RUNDC3B: variants seen among roughly 807,000 people sequenced by gnomAD.
RUNDC3B encodes RUN domain containing 3B.
RUNDC3B carries 33 observed loss-of-function variants against 58.4 expected under a neutral mutation model. That is an observed-to-expected ratio of 0.56 (90% confidence interval 0.43 to 0.75). The LOEUF (loss-of-function observed/expected upper bound fraction) is 0.75. Among genes scored for constraint, RUNDC3B ranks in the 30% least tolerant of loss-of-function variants. RUNDC3B has a pLI of 0.00. For missense variants in RUNDC3B, 501 were observed against 535.7 expected (o/e 0.94, Z 0.64); for synonymous variants, 193 against 195.2 (o/e 0.99, Z 0.10).
At chr7:87,695,238 A>G (rs1828397796) in intron 2 of RUNDC3B, among the ~76,000 whole-genome samples, 1 of 152,138 alleles carries the variant, frequency 6.6e-6, no homozygotes, top group African/African-American at 2.4e-5. Flanking sequence ...TCATAATTTT[A>G]CCTTCAAAGC....
At chr7:87,702,298 G>A in intron 3 of RUNDC3B, among the ~76,000 whole-genome samples, 1 of 150,542 alleles carries the variant, frequency 6.6e-6, no homozygotes, top group Non-Finnish European at 1.5e-5. Flanking sequence ...TATTTTTTAG[G>A]GACAGGGTCT....
At chr7:87,679,773 A>G (rs1207007414) in intron 2 of RUNDC3B, among the ~76,000 whole-genome samples, 1 of 150,476 alleles carries the variant, frequency 6.6e-6, no homozygotes, top group Non-Finnish European at 1.5e-5. Context: ...GGAACATTAA[A>G]AAAGATCTTA....
chr7:87,796,066 C>T (rs1835802363), intron 8 of RUNDC3B, among the ~76,000 whole-genome samples: 1 of 152,122 alleles, frequency 6.6e-6, no homozygotes, highest in Admixed American at 6.5e-5. Context: ...AGTGCCCATA[C>T]ACAGATGAAT....
At chr7:87,699,251 G>A (rs1828789303) in intron 2 of RUNDC3B, among the ~76,000 whole-genome samples, 1 of 151,988 alleles carries the variant, frequency 6.6e-6, no homozygotes, top group South Asian at 2.1e-4. Flanking sequence ...TTCAAAATAT[G>A]AAAGCAAATC....
intron 4 of RUNDC3B, among the ~76,000 whole-genome samples, chr7:87,734,335 A>C (rs755306319): frequency 5.9e-5 from 9 of 152,174 alleles, no homozygotes; most frequent in Admixed American, 1.3e-4. Flanking sequence ...TTCAGGCATA[A>C]AAAGAAATGT....
chr7:87,743,697 T>G (rs780725673), intron 6 of RUNDC3B, among the ~76,000 whole-genome samples: 1 of 152,208 alleles, frequency 6.6e-6, no homozygotes, highest in Non-Finnish European at 1.5e-5. Context: ...TTGAGTTGTT[T>G]GTAGATTCTG....
chr7:87,821,244 T>A (rs367592645), intron 10 of RUNDC3B, among the ~76,000 whole-genome samples: 1 of 151,846 alleles, frequency 6.6e-6, no homozygotes, highest in Non-Finnish European at 1.5e-5. Context: ...TATACACCAA[T>A]AACAGACAAA....
intron 8 of RUNDC3B, among the ~76,000 whole-genome samples, chr7:87,798,727 T>G (rs1358788704): frequency 6.6e-6 from 1 of 152,212 alleles, no homozygotes; most frequent in East Asian, 1.9e-4. Flanking sequence ...TGTCTCTTTC[T>G]TCTTAAAGGA....
intron 2 of RUNDC3B, among the ~76,000 whole-genome samples, chr7:87,660,399 T>A (rs2130444809): frequency 6.6e-6 from 1 of 152,256 alleles, no homozygotes; most frequent in South Asian, 2.1e-4. Flanking sequence ...CTCTAGTTAG[T>A]TGTAGTATTT....
intron 2 of RUNDC3B, among the ~76,000 whole-genome samples, chr7:87,663,839 G>T (rs984362866): frequency 6.6e-6 from 1 of 152,130 alleles, no homozygotes; most frequent in African/African-American, 2.4e-5. Flanking sequence ...CTTCTGGCTT[G>T]TAGGTGGTTG....
chr7:87,699,010 G>A (rs1266497533), intron 2 of RUNDC3B, among the ~76,000 whole-genome samples: 2 of 152,100 alleles, frequency 1.3e-5, no homozygotes, highest in Non-Finnish European at 2.9e-5. Flanking sequence ...TTCCCCTAAA[G>A]ATTTTGATTA....
At chr7:87,689,896 T>C (rs1475556189) in intron 2 of RUNDC3B, among the ~76,000 whole-genome samples, 1 of 152,212 alleles carries the variant, frequency 6.6e-6, no homozygotes, top group Non-Finnish European at 1.5e-5. Flanking sequence ...GACTGAAGTA[T>C]GTTAGAATTT....
At chr7:87,798,154 C>G (rs1008192562) in intron 8 of RUNDC3B, among the ~76,000 whole-genome samples, 2 of 152,216 alleles carry the variant, frequency 1.3e-5, no homozygotes, top group Admixed American at 1.3e-4. Flanking sequence ...CCCTTCCTTA[C>G]TCTTCTGTCA....
At chr7:87,720,932 T>TAGCTAATTTTAACTATTTAAAATATTAC in intron 4 of RUNDC3B, among the ~76,000 whole-genome samples, 1 of 149,126 alleles carries the variant, frequency 6.7e-6, no homozygotes, top group Non-Finnish European at 1.5e-5. Context: ...ATATTTTAAA[T>TAGCTAATTTTAACTATTTAAAATATTAC]AGTTAAAATT....
At chr7:87,683,859 G>A (rs547136655) in intron 2 of RUNDC3B, among the ~76,000 whole-genome samples, 4 of 152,232 alleles carry the variant, frequency 2.6e-5, no homozygotes, top group African/African-American at 9.6e-5. Context: ...TACAATATCT[G>A]CAAAGCACAA....
At chr7:87,673,352 G>A (rs1419785197) in intron 2 of RUNDC3B, among the ~76,000 whole-genome samples, 1 of 152,124 alleles carries the variant, frequency 6.6e-6, no homozygotes, top group African/African-American at 2.4e-5. Flanking sequence ...TTTCAGGGAT[G>A]GCAATGAATC....
intron 10 of RUNDC3B, among the ~76,000 whole-genome samples, chr7:87,819,288 G>T (rs1837267907): frequency 6.6e-6 from 1 of 152,168 alleles, no homozygotes; most frequent in African/African-American, 2.4e-5. Context: ...GTTAGTCTTA[G>T]AAGGCCATTA....
At chr7:87,713,101 T>C (rs1047452375) in intron 4 of RUNDC3B, 5 of 152,170 alleles carry the variant, frequency 3.3e-5, no homozygotes, top group African/African-American at 1.2e-4. Flanking sequence ...TCAAGACAAA[T>C]ATATTCATAA....
At chr7:87,698,565 G>C (rs1189198909) in intron 2 of RUNDC3B, among the ~76,000 whole-genome samples, 1 of 152,110 alleles carries the variant, frequency 6.6e-6, no homozygotes, top group Non-Finnish European at 1.5e-5. Context: ...GCTATAAAAA[G>C]ATAATTGGAT....
Sources: gnomAD v4.1 joint callset for allele counts (sites outside exome capture counted in the v4.1 genomes callset) on GRCh38, gnomAD v4.1.1 for gene constraint, MANE v1.5 for transcripts, NCBI Gene and HGNC (gene_info 2026-07-23, HGNC 2026-07-21) for gene names.